Variants in CCDC125 observed in about 807,000 individuals in gnomAD.
The protein encoded by CCDC125 is coiled-coil domain containing 125, also known as coiled-coil domain-containing protein 125.
Under a neutral mutation model 57.4 loss-of-function variants are expected in CCDC125, and 43 were observed. That is an observed-to-expected ratio of 0.75 (90% confidence interval 0.59 to 0.97). CCDC125 has a LOEUF of 0.97. Ranked by LOEUF, CCDC125 falls within the 50% of genes least tolerant of loss-of-function variation. The pLI is 0.00. For synonymous variants in CCDC125, 187 were observed against 195.2 expected, an observed-to-expected ratio of 0.96 and a Z score of 0.35; for missense variants, 563 against 595.7, an observed-to-expected ratio of 0.95 and a Z score of 0.57.
chr5:69,320,333 T>A lies in CCDC125; in HGVS notation c.208A>T (p.Asn70Tyr), dbSNP rs752476721. The change falls in exon 2 of 12, where the codon AAT becomes TAT. Residue 70 changes from asparagine to tyrosine, a missense_variant. Coordinates refer to ENST00000396496, the MANE Select transcript of CCDC125 (RefSeq NM_176816.5). The part of the protein sequence containing the change: ...PPFPRKGEER[N>Y]EASFQYSKHK... ...TTGGAATACTGAAAACTCGCTTCAT[T>A]TCTTTCTTCTCCCTTTCTCGGAAAT... 6.2e-7 allele frequency: 1 copy of A among 1,614,098 alleles called. No homozygotes were observed. Among genetic ancestry groups the A allele is most frequent in the East Asian group, 2.2e-5 (1 of 44,874 alleles).
chr5:69,295,430 T>C (rs1755155133), intron 8 of CCDC125, among the ~76,000 whole-genome samples: 1 of 152,170 alleles, frequency 6.6e-6, no homozygotes, highest in South Asian at 2.1e-4. Flanking sequence ...TGTAAAAGAA[T>C]AAAACTTCAG....
downstream of CCDC125, among the ~76,000 whole-genome samples, chr5:69,275,413 C>T (rs1010734489): frequency 2.6e-5 from 4 of 151,986 alleles, no homozygotes; most frequent in African/African-American, 9.7e-5. Context: ...CTTGTAAGTT[C>T]TTTTTAAGTT....
chr5:69,294,402 G>T (rs1276612787), intron 9 of CCDC125, among the ~76,000 whole-genome samples: 3 of 151,900 alleles, frequency 2.0e-5, no homozygotes, highest in Admixed American at 1.3e-4. Flanking sequence ...CCGCCTCCCG[G>T]ATTCAAGCGA....
chr5:69,326,331 C>T (rs547997649), intron 1 of CCDC125, among the ~76,000 whole-genome samples: 10 of 152,288 alleles, frequency 6.6e-5, no homozygotes, highest in African/African-American at 2.4e-4. Context: ...TCTGGATCCA[C>T]TTTTTCCCAG....
chr5:69,296,253 T>C lies in CCDC125; in HGVS notation c.817-1353A>G, dbSNP rs537818920. On this transcript the variant is annotated intron_variant, in intron 8 of 11. Transcript: ENST00000396496. ...CCTCAACTTTTGTACTTGAATAAAC[T>C]CTTTAAACTAGATTCTGGCCAGGCG... is the stretch of plus-strand genomic sequence containing the variant. 8.6e-5 allele frequency among the ~76,000 whole-genome samples: 13 copies of C among 151,534 alleles called. No individual in the cohort carries two copies. In the South Asian group the frequency reaches 2.7e-3, roughly 32 times the overall value.
chr5:69,329,177 T>C (rs1761105882), intron 1 of CCDC125, among the ~76,000 whole-genome samples: 1 of 151,862 alleles, frequency 6.6e-6, no homozygotes, highest in Non-Finnish European at 1.5e-5. Flanking sequence ...AGGATTAAAG[T>C]ATTTATTTTT....
At chr5:69,276,685 A>G, downstream of CCDC125, 1 of 1,612,718 alleles carries the variant, frequency 6.2e-7, no homozygotes, top group Non-Finnish European at 8.5e-7. Flanking sequence ...GAGGCCTTAG[A>G]ACAAGGTAAG....
chr5:69,303,698 T>G (rs552245392), intron 7 of CCDC125, 149 bp downstream of exon 7: 2 of 574,002 alleles, frequency 3.5e-6, no homozygotes, highest in Admixed American at 7.3e-5. Flanking sequence ...TTTTATGTTA[T>G]GTGAATTTCA....
In CCDC125 at chr5:69,307,871, C is replaced by G. The variant is rs549373914; in HGVS notation, c.531+80G>C. On this transcript the variant is annotated intron_variant, in intron 5 of 11. Transcript: ENST00000396496. ...CAGAAGGTAGGCACAAGTGACAGAT[C>G]CATTAGTATGGTGAGTTTAGGGAAA... The G allele has an allele frequency of 2.9e-6, 3 of 1,037,034 alleles. No homozygotes were observed. In the African/African-American group the frequency reaches 4.7e-5, roughly 16 times the overall value. 64.2% of individuals were successfully genotyped at this position (1,037,034 alleles called of 1,614,324 possible).
intron 10 of CCDC125, among the ~76,000 whole-genome samples, chr5:69,286,225 T>TAA (rs1554071412): frequency 1.9e-4 from 21 of 111,464 alleles, no homozygotes; most frequent in African/African-American, 7.3e-4. Context: ...TATATATATA[T>TAA]ATATATATAA....
chr5:69,311,172 T>C lies in CCDC125; in HGVS notation c.399A>G (p.Ala133=), dbSNP rs1758070765. ...EVEMLKTELE[A]SQRQLRGKEE... The stretch of plus-strand genomic sequence containing the variant: ...CTTTACCTCTGAGTTGTCTTTGAGA[T>C]GCCTCAAGTTCAGTTTTTAACATTT... The change falls in exon 4 of 12, where the codon GCA becomes GCG. Residue 133 remains alanine (A), a synonymous_variant. Coordinates refer to ENST00000396496, the MANE Select transcript of CCDC125 (RefSeq NM_176816.5). The C allele has an allele frequency of 6.2e-7, 1 of 1,611,470 alleles. No homozygotes were observed. Among genetic ancestry groups the C allele is most frequent in the Non-Finnish European group, 8.5e-7 (1 of 1,178,274 alleles).
chr5:69,299,111 C>CTT (rs11451510), intron 8 of CCDC125, among the ~76,000 whole-genome samples: 10 of 129,468 alleles, frequency 7.7e-5, no homozygotes, highest in African/African-American at 2.5e-4. Context: ...TTCTTTCTTT[C>CTT]TTTTTTTTTT....
downstream of CCDC125, chr5:69,276,452 T>G: frequency 1.7e-6 from 2 of 1,171,666 alleles, no homozygotes; most frequent in Non-Finnish European, 2.5e-6. Flanking sequence ...CATAGTATTT[T>G]TAATGCTCCC....
Position 69,288,625 on chromosome 5 carries a change from G to A in CCDC125, c.1100-3158C>T, listed in dbSNP as rs547719075. The stretch of plus-strand genomic sequence containing the variant: ...AAACTGGTAAACGGAAGTGTTTCCC[G>A]GAGTTCTGTGAGGCATCCTAGCAAA... On this transcript the variant is annotated intron_variant, in intron 10 of 11. Coordinates refer to ENST00000396496, the MANE Select transcript of CCDC125 (RefSeq NM_176816.5). Among the ~76,000 whole-genome samples, 4 of 152,286 alleles carry A rather than the reference G, an allele frequency of 2.6e-5. No homozygotes were observed. In the South Asian group the frequency reaches 8.3e-4, roughly 32 times the overall value.
intron 1 of CCDC125, among the ~76,000 whole-genome samples, chr5:69,328,854 C>T (rs755818785): frequency 1.3e-5 from 2 of 151,168 alleles, no homozygotes; most frequent in African/African-American, 2.4e-5. Flanking sequence ...AGTGCAGTGG[C>T]GCCATCTCAC....
At chr5:69,323,178 G>T (rs1451048842) in intron 1 of CCDC125, among the ~76,000 whole-genome samples, 1 of 151,406 alleles carries the variant, frequency 6.6e-6, no homozygotes, top group African/African-American at 2.4e-5. Flanking sequence ...GCATTGTGGC[G>T]TGTGCCTGTA....
At chr5:69,276,509 C>T (rs771934474), downstream of CCDC125, 2 of 1,602,620 alleles carry the variant, frequency 1.2e-6, no homozygotes, top group South Asian at 1.1e-5. Context: ...CAGATACTCA[C>T]CTACCTTACT....
In CCDC125 at chr5:69,306,825, T is replaced by C. The variant is rs1486150406; in HGVS notation, c.609A>G (p.Lys203=). ...FKNIEESWIQ[K]YDRLNCENAV... ...TGGAGTAATATACAAACCTGTCATA[T>C]TTTTGGATCCAAGATTCCTCTATAT... The change falls in exon 6 of 12, where the codon AAA becomes AAG. Residue 203 remains lysine, a synonymous_variant. Coordinates refer to ENST00000396496, the MANE Select transcript of CCDC125 (RefSeq NM_176816.5). 1 of 1,495,144 alleles carries C rather than the reference T, an allele frequency of 6.7e-7. No individual in the cohort carries two copies. The highest frequency in any genetic ancestry group is 8.9e-7 in the Non-Finnish European group (1 of 1,125,366). The allele number at this position is 1,495,144 out of a possible 1,614,324, so 92.6% of individuals were successfully genotyped here.
intron 3 of CCDC125, chr5:69,313,627 A>C (rs1758518369): frequency 1.4e-5 from 10 of 736,550 alleles, no homozygotes; most frequent in Middle Eastern, 2.4e-4. Flanking sequence ...TAGAGGGCGT[A>C]GAGGCAATCC....
Sources: gnomAD v4.1 joint callset for allele counts (sites outside exome capture counted in the v4.1 genomes callset) on GRCh38, gnomAD v4.1.1 for gene constraint, MANE v1.5 for transcripts, NCBI Gene and HGNC (gene_info 2026-07-23, HGNC 2026-07-21) for gene names.